IQSEC1: variants seen among roughly 807,000 people sequenced by gnomAD.
IQSEC1 encodes IQ motif and Sec7 domain ArfGEF 1.
In IQSEC1, 31 loss-of-function variants were observed where a neutral mutation model predicts 91.0. The ratio of observed to expected loss-of-function variants is 0.34; its 90% CI spans 0.26 to 0.46. The LOEUF is 0.46. Among genes scored for constraint, IQSEC1 ranks in the 20% least tolerant of loss-of-function variants. The pLI is 1.00. For missense variants in IQSEC1, 1,388 were observed against 1,575.6 expected, an observed-to-expected ratio of 0.88 and a Z score of 2.02; for synonymous variants, 699 against 662.6, an observed-to-expected ratio of 1.05 and a Z score of -0.84.
rs56174337 is a variant in IQSEC1 at position 12,972,014 on chromosome 3, A to AAAACAAAC, written c.24-30157_24-30150dup. On this transcript the variant is annotated intron_variant, in intron 1 of 13. Transcript: ENST00000613206. Reference sequence around the variant, plus strand: ...TGGCAACAGGGTGAGACTCCATCTCAAAACAAACAAACAAACAAACAAACA... The same window carrying AAAACAAAC: ...TGGCAACAGGGTGAGACTCCATCTCAAAACAAACAAACAAACAAACAAACAAACAAACA... Among the ~76,000 whole-genome samples the AAAACAAAC allele has an allele frequency of 3.0e-3, 446 of 148,598 alleles. 1 individual carries two copies. The highest frequency in any genetic ancestry group is 9.1e-3 in the Admixed American group (135 of 14,858).
chr3:13,271,128 A>T (rs1446748322), intron 1 of IQSEC1, among the ~76,000 whole-genome samples: 1 of 152,238 alleles, frequency 6.6e-6, no homozygotes, highest in Non-Finnish European at 1.5e-5. Flanking sequence ...CTGTAATCCC[A>T]GCACTTTGGG....
At position 12,908,614 on chromosome 3, in the gene IQSEC1, C is replaced by G. The variant is rs1326544419; in HGVS notation, c.2579-89G>C. 7.3e-7 allele frequency: 1 copy of G among 1,377,430 alleles called. No homozygotes were observed. Among genetic ancestry groups the G allele is most frequent in the African/African-American group, 1.4e-5 (1 of 69,898 alleles). The allele number at this position is 1,377,430 out of a possible 1,614,324, so 85.3% of individuals were successfully genotyped here. On this transcript the variant is annotated intron_variant, in intron 11 of 13. Coordinates refer to ENST00000613206, the MANE Select transcript of IQSEC1 (RefSeq NM_001134382.3). This position sits in a 1 kb window ranked among gnomAD's most constrained non-coding sequence, Gnocchi z 4.9. ...GCCTTCTGCTTGGAGCTAGCACTGT[C>G]CTGAGCCACCATCTGCTTGGAATGG...
intron 1 of IQSEC1, among the ~76,000 whole-genome samples, chr3:13,175,833 C>T (rs1693717046): frequency 1.3e-5 from 2 of 152,216 alleles, no homozygotes; most frequent in South Asian, 2.1e-4. Context: ...AGGAGGCTGG[C>T]TCACCTCTCG....
At chr3:13,272,483 G>A (rs1695605612) in intron 1 of IQSEC1, among the ~76,000 whole-genome samples, 1 of 152,228 alleles carries the variant, frequency 6.6e-6, no homozygotes, top group African/African-American at 2.4e-5. Flanking sequence ...AGTTGGTGGT[G>A]GTGAAGCCCC....
chr3:12,902,993 G>T (rs1049253389), intron 12 of IQSEC1, among the ~76,000 whole-genome samples, 171 bp from the exon 13 acceptor site: 8 of 151,882 alleles, frequency 5.3e-5, no homozygotes, highest in Non-Finnish European at 1.0e-4. Flanking sequence ...GAGGGGCTCA[G>T]TGGGGAAGCC....
At chr3:13,227,925 C>A (rs1405598976) in intron 1 of IQSEC1, among the ~76,000 whole-genome samples, 1 of 152,156 alleles carries the variant, frequency 6.6e-6, no homozygotes, top group Non-Finnish European at 1.5e-5. Flanking sequence ...CTGGATGCTG[C>A]CTCCACCCCA....
In IQSEC1 at chr3:12,940,478, G is replaced by GGGCCACAGGATGGGTGT. The variant is rs1698647711; in HGVS notation, c.318+1076_318+1092dup. 6.6e-6 allele frequency among the ~76,000 whole-genome samples: 1 copy of GGGCCACAGGATGGGTGT among 151,882 alleles called. No individual in the cohort carries two copies. Among genetic ancestry groups the GGGCCACAGGATGGGTGT allele is most frequent in the African/African-American group, 2.4e-5 (1 of 41,342 alleles). ...TCTGGGAGCAAGCAGAGGGCGGGCGGGGCCACAGGATGGGTGTGGGTGGGA... is the reference window on the plus strand; with the variant it reads ...TCTGGGAGCAAGCAGAGGGCGGGCGGGGCCACAGGATGGGTGTGGCCACAGGATGGGTGTGGGTGGGA... On this transcript the variant is annotated intron_variant, in intron 2 of 13. Coordinates refer to ENST00000613206, the MANE Select transcript of IQSEC1 (RefSeq NM_001134382.3). The surrounding 1 kb of genome is among the most constrained non-coding windows in gnomAD (Gnocchi z 4.4).
chr3:12,916,766 G>GA (rs1696134081), intron 6 of IQSEC1, among the ~76,000 whole-genome samples: 1 of 152,200 alleles, frequency 6.6e-6, no homozygotes, highest in Non-Finnish European at 1.5e-5. Context: ...CCATTAACAG[G>GA]GGAGTGCTCA....
intron 1 of IQSEC1, among the ~76,000 whole-genome samples, chr3:12,985,490 T>TCC (rs58897746): frequency 4.2e-5 from 6 of 143,700 alleles, no homozygotes; most frequent in Non-Finnish European, 9.2e-5. Flanking sequence ...TGCTTAACAA[T>TCC]CCCCCCCCCC....
At chr3:13,136,865 G>A (rs552500010) in intron 2 of IQSEC1, among the ~76,000 whole-genome samples, 5 of 152,302 alleles carry the variant, frequency 3.3e-5, no homozygotes, top group South Asian at 2.1e-4. Flanking sequence ...GGCCGGGTGC[G>A]GTGGCTCATG....
At chr3:12,948,524 C>T (rs968404766) in intron 1 of IQSEC1, among the ~76,000 whole-genome samples, 3 of 152,220 alleles carry the variant, frequency 2.0e-5, no homozygotes, top group African/African-American at 4.8e-5. Context: ...TTGGATGCCA[C>T]GTCCCGACTC....
At chr3:13,255,817 G>A (rs1249645716) in intron 1 of IQSEC1, among the ~76,000 whole-genome samples, 2 of 152,192 alleles carry the variant, frequency 1.3e-5, no homozygotes, top group Non-Finnish European at 2.9e-5. Flanking sequence ...TGACTGATTT[G>A]CTCCCCAAAA....
At chr3:13,136,735 A>C (rs1390843268) in intron 2 of IQSEC1, among the ~76,000 whole-genome samples, 3 of 152,254 alleles carry the variant, frequency 2.0e-5, no homozygotes, top group African/African-American at 7.2e-5. Context: ...ACCCCACCAG[A>C]CGGACAAAAA....
chr3:13,085,745 G>A (rs1484702303), intron 2 of IQSEC1, among the ~76,000 whole-genome samples: 2 of 152,230 alleles, frequency 1.3e-5, no homozygotes, highest in Non-Finnish European at 2.9e-5. Context: ...CGGACAGGAG[G>A]CCCGAGGCCA....
intron 1 of IQSEC1, among the ~76,000 whole-genome samples, chr3:12,982,170 C>A (rs1047465707): frequency 6.6e-6 from 1 of 152,168 alleles, no homozygotes; most frequent in African/African-American, 2.4e-5. Flanking sequence ...TTCTCTTTTG[C>A]GCCCCATATT....
chr3:12,993,319 G>C (rs1419662431), intron 1 of IQSEC1, among the ~76,000 whole-genome samples: 1 of 152,212 alleles, frequency 6.6e-6, no homozygotes, highest in East Asian at 1.9e-4. Flanking sequence ...CAGCCCTCCA[G>C]CCCTGCCAAA....
At chr3:13,074,298 G>A (rs1307671755), upstream of IQSEC1, among the ~76,000 whole-genome samples, 1 of 152,150 alleles carries the variant, frequency 6.6e-6, no homozygotes, top group Non-Finnish European at 1.5e-5. Flanking sequence ...AAGGCTCTGA[G>A]GCGGAAGGCA....
intron 2 of IQSEC1, among the ~76,000 whole-genome samples, chr3:13,081,638 T>C (rs1457128692): frequency 1.3e-5 from 2 of 152,212 alleles, no homozygotes; most frequent in Non-Finnish European, 2.9e-5. Flanking sequence ...AATATATTAC[T>C]ACAAAAATTT....
rs182110097 is a variant in IQSEC1 at position 13,237,052 on chromosome 3, C to T, written c.272+45659G>A. On this transcript the variant is annotated intron_variant, in intron 1 of 15. Coordinates refer to the IQSEC1 transcript ENST00000648114. ...GGATGTGACTGTGCTCTGCTGGACA[C>T]GGATCCCAAGGCAGGGCTGCACTGG... Among the ~76,000 whole-genome samples, 230 of 152,342 alleles carry T rather than the reference C, an allele frequency of 1.5e-3. 3 individuals are homozygous for T. In the South Asian group the frequency reaches 0.015, roughly 10 times the overall value.
Sources: allele counts gnomAD v4.1 joint callset (sites outside exome capture counted in the v4.1 genomes callset), GRCh38; gene constraint gnomAD v4.1.1; non-coding constraint Gnocchi (gnomAD v3.1); transcripts MANE v1.5; gene names NCBI Gene and HGNC (gene_info 2026-07-23, HGNC 2026-07-21).